The following GORAB variants were observed in gnomAD, a reference collection of about 807,000 sequenced individuals.
The protein encoded by GORAB is RAB6-interacting golgin.
In GORAB, 17 loss-of-function variants were observed where a neutral mutation model predicts 29.9. That is an observed-to-expected ratio of 0.57 (90% CI 0.39 to 0.85). The LOEUF (loss-of-function observed/expected upper bound fraction) is 0.85. Ranked by LOEUF, GORAB falls within the 40% of genes least tolerant of loss-of-function variation. The pLI, the probability that GORAB is intolerant of heterozygous loss-of-function variation, is 0.00. For synonymous variants in GORAB, 183 were observed against 157.2 expected (o/e 1.16, Z -1.23); for missense variants, 442 against 437.8 (o/e 1.01, Z -0.09).
chr1:170,545,489 TGAAC>T, intron 4 of GORAB: 1 of 984,238 alleles, frequency 1.0e-6, no homozygotes, highest in African/African-American at 1.7e-5. Flanking sequence ...ATTTTTAAAA[TGAAC>T]TAACACATGT....
chr1:170,544,879 A>G, intron 4 of GORAB, 34 bp downstream of exon 4: 4 of 1,591,828 alleles, frequency 2.5e-6, no homozygotes, highest in South Asian at 1.1e-5. Flanking sequence ...AACAAGGAGT[A>G]TGATTTAATT....
chr1:170,539,537 A>G lies in GORAB; in HGVS notation c.389A>G (p.Asp130Gly), dbSNP rs1649279289. Residue 130 changes from aspartate (D) to glycine (G), a missense_variant, in exon 2 of 5, where the codon GAT becomes GGT. Transcript: ENST00000367763. ...NNVEILPPKP[D>G]CKLEKKKVEL... The stretch of plus-strand genomic sequence containing the variant: ...GTTGAGATTCTACCTCCAAAGCCAG[A>G]TTGCAAATTGGAGAAAAAGAAAGTG... 6.2e-7 allele frequency: 1 copy of G among 1,613,946 alleles called. No homozygotes were observed. The highest frequency in any genetic ancestry group is 1.7e-5 in the Admixed American group (1 of 60,002).
At position 170,544,844 on chromosome 1, in the gene GORAB, C is replaced by T. The variant is rs772589935; in HGVS notation, c.661C>T (p.Arg221Trp). The T allele has an allele frequency of 1.1e-5, 17 of 1,606,672 alleles. No homozygotes were observed. The Admixed American group carries it at 1.7e-4, about 16-fold the overall frequency. ...GGCCAGCTTAGACTATTCATACGCT[C>T]GGTGAGTTGGGGAAATTGAATCTGA... Reference protein sequence around the residue: ...DQASLDYSYARKRFDRAEAEY... With the variant: ...DQASLDYSYAWKRFDRAEAEY... Residue 221 changes from arginine to tryptophan, a missense_variant and splice_region_variant, in exon 4 of 5, where the codon CGG (arginine) becomes TGG (tryptophan). Transcript: ENST00000367763.
chr1:170,550,984 T>C (rs1017674593), intron 4 of GORAB, among the ~76,000 whole-genome samples: 5 of 152,220 alleles, frequency 3.3e-5, no homozygotes, highest in African/African-American at 1.2e-4. Context: ...GTGACTTCTC[T>C]AGTAGAATTG....
intron 4 of GORAB, among the ~76,000 whole-genome samples, chr1:170,551,751 C>T (rs1350368633): frequency 1.3e-5 from 2 of 152,186 alleles, no homozygotes; most frequent in Non-Finnish European, 2.9e-5. Context: ...CCTGCCTTCA[C>T]TCAAAAACAG....
Position 170,552,059 on chromosome 1 carries a change from TAGATATACAGCGCAAGACTG to T in GORAB, c.713_732del (p.Ile238LysfsTer6). The T allele has an allele frequency of 6.2e-7, 1 of 1,614,038 alleles. No individual in the cohort carries two copies. Among genetic ancestry groups the T allele is most frequent in the East Asian group, 2.2e-5 (1 of 44,882 alleles). ...GAAGCAGAGTACATTGCAGCAAAGC[TAGATATACAGCGCAAGACTG>T]AGATAAAAGAGCAACTCACTGAACA... is the stretch of plus-strand genomic sequence containing the variant. On this transcript the variant is annotated frameshift_variant, in exon 5 of 5. Transcript: ENST00000367763. LOFTEE classifies it low-confidence loss of function (END_TRUNC).
At position 170,552,691 on chromosome 1, in the gene GORAB, G is replaced by A. The variant is rs754791565; in HGVS notation, c.*229G>A. 7.1e-5 allele frequency: 41 copies of A among 576,648 alleles called. No individual in the cohort carries two copies. Among genetic ancestry groups the A allele is most frequent in the East Asian group, 1.2e-4 (3 of 25,938 alleles). 35.7% of individuals were successfully genotyped at this position (576,648 alleles called of 1,614,324 possible). The stretch of plus-strand genomic sequence containing the variant: ...TTTGGCCCGGTTCTTTCAGTGTTCC[G>A]TTTACCCTTTTTACTGAAAGTAAGT... On this transcript the variant is annotated 3_prime_UTR_variant, in exon 5 of 5. Transcript: ENST00000367763.
At chr1:170,541,178 T>C (rs142836416) in intron 2 of GORAB, among the ~76,000 whole-genome samples, 163 of 107,300 alleles carry the variant, frequency 1.5e-3, no homozygotes, top group African/African-American at 5.7e-3. Flanking sequence ...CATTCCAGCC[T>C]GGGCAACAGA....
chr1:170,539,591 C>A, intron 2 of GORAB, 24 bp downstream of exon 2: 1 of 1,609,044 alleles, frequency 6.2e-7, no homozygotes, highest in South Asian at 1.1e-5. Flanking sequence ...TGTGAAAAGT[C>A]CATGAGACTT....
At chr1:170,535,867 T>C (rs1649028876) in intron 1 of GORAB, among the ~76,000 whole-genome samples, 1 of 152,168 alleles carries the variant, frequency 6.6e-6, no homozygotes, top group Non-Finnish European at 1.5e-5. Flanking sequence ...AATTTTAATG[T>C]ATTCAAATAT....
At chr1:170,545,705 A>G in intron 4 of GORAB, 1 of 985,064 alleles carries the variant, frequency 1.0e-6, no homozygotes, top group Non-Finnish European at 1.2e-6. Context: ...AGGGTAAACC[A>G]CAACATCAGA....
intron 1 of GORAB, among the ~76,000 whole-genome samples, chr1:170,537,713 T>C (rs569012100): frequency 6.6e-6 from 1 of 152,316 alleles, no homozygotes; most frequent in African/African-American, 2.4e-5. Context: ...CGCTTCTCAG[T>C]TCACCACAGT....
intron 1 of GORAB, among the ~76,000 whole-genome samples, chr1:170,532,914 G>A (rs141737562): frequency 1.6e-4 from 24 of 152,290 alleles, no homozygotes; most frequent in Non-Finnish European, 2.8e-4. Context: ...TTTGGAGTAA[G>A]CTAACCTTGT....
intron 1 of GORAB, among the ~76,000 whole-genome samples, chr1:170,534,351 A>G (rs1571236855): frequency 6.6e-6 from 1 of 152,194 alleles, no homozygotes; most frequent in African/African-American, 2.4e-5. Flanking sequence ...TAAAAAATAC[A>G]GTATTTGGGG....
chr1:170,550,917 C>T (rs569009448), intron 4 of GORAB, among the ~76,000 whole-genome samples: 4 of 152,228 alleles, frequency 2.6e-5, no homozygotes, highest in Non-Finnish European at 4.4e-5. Context: ...AATTAAGACA[C>T]GATAACTCTT....
chr1:170,540,529 C>G (rs934680539), intron 2 of GORAB, among the ~76,000 whole-genome samples: 5 of 151,906 alleles, frequency 3.3e-5, no homozygotes, highest in Non-Finnish European at 7.4e-5. Context: ...TTCCTGTCCA[C>G]TAGGGGTTTA....
intron 3 of GORAB, 107 bp from the exon 4 acceptor site, chr1:170,544,598 A>G (rs1649638942): frequency 1.5e-5 from 11 of 717,434 alleles, no homozygotes; most frequent in African/African-American, 1.8e-5. Context: ...CTTTTAAAAT[A>G]TAAATTATAA....
intron 4 of GORAB, among the ~76,000 whole-genome samples, chr1:170,549,160 TTAAAA>T (rs1649966262): frequency 6.6e-6 from 1 of 152,198 alleles, no homozygotes; most frequent in African/African-American, 2.4e-5. Flanking sequence ...CCATCCCCCT[TTAAAA>T]TAACAAAACA....
At chr1:170,532,902 A>G (rs929704016) in intron 1 of GORAB, among the ~76,000 whole-genome samples, 3 of 152,188 alleles carry the variant, frequency 2.0e-5, no homozygotes, top group African/African-American at 7.2e-5. Context: ...AGTCTTACTG[A>G]CTTTGGAGTA....
Sources: allele counts gnomAD v4.1 joint callset (sites outside exome capture counted in the v4.1 genomes callset), GRCh38; gene constraint gnomAD v4.1.1; transcripts MANE v1.5; gene names NCBI Gene and HGNC (gene_info 2026-07-23, HGNC 2026-07-21).